Variants in PTPRM observed in about 807,000 individuals in gnomAD.
PTPRM encodes the protein receptor-type tyrosine-protein phosphatase mu.
In PTPRM, 47 loss-of-function variants were observed where a neutral mutation model predicts 186.7. The observed-to-expected ratio is 0.25, with a 90% CI of 0.20 to 0.32. PTPRM has a LOEUF of 0.32. Ranked by LOEUF, PTPRM falls within the 10% of genes least tolerant of loss-of-function variation. PTPRM has a pLI of 1.00. For missense variants in PTPRM, 1,494 were observed against 1,865.0 expected (o/e 0.80, Z 3.66); for synonymous variants, 668 against 674.9 (o/e 0.99, Z 0.16).
At position 8,006,384 on chromosome 18, in the gene PTPRM, G is replaced by A. The variant is rs77284889; in HGVS notation, c.1132+50970G>A. 9.0e-3 allele frequency among the ~76,000 whole-genome samples: 1,376 copies of A among 152,206 alleles called. 19 individuals carry two copies. The highest frequency in any genetic ancestry group is 0.032 in the African/African-American group (1,319 of 41,514). On this transcript the variant is annotated intron_variant, in intron 7 of 32. Transcript: ENST00000580170. ...CACATGAGTTACAGTGGCCCTGTTCGCATAATAAATGTTTAGCAGGAAGCA... is the reference window on the plus strand; with the variant it reads ...CACATGAGTTACAGTGGCCCTGTTCACATAATAAATGTTTAGCAGGAAGCA...
chr18:7,932,958 GA>G (rs2051574940), intron 5 of PTPRM, among the ~76,000 whole-genome samples: 2 of 152,248 alleles, frequency 1.3e-5, no homozygotes, highest in African/African-American at 4.8e-5. Flanking sequence ...AAAATTCCAG[GA>G]ATAAACAATT....
intron 7 of PTPRM, among the ~76,000 whole-genome samples, chr18:8,037,623 CT>C (rs1258491895): frequency 6.6e-6 from 1 of 152,108 alleles, no homozygotes; most frequent in Non-Finnish European, 1.5e-5. Flanking sequence ...CTCTAATATC[CT>C]AGCTTCACAA....
intron 1 of PTPRM, among the ~76,000 whole-genome samples, chr18:7,703,556 C>T (rs2040011120): frequency 6.6e-6 from 1 of 152,124 alleles, no homozygotes; most frequent in African/African-American, 2.4e-5. Flanking sequence ...TGCTTATCAG[C>T]TTAAGGAGAT....
intron 21 of PTPRM, among the ~76,000 whole-genome samples, chr18:8,318,285 CTTTTTTTTTTTTTTT>C (rs140026832): frequency 3.3e-5 from 2 of 59,906 alleles, no homozygotes; most frequent in South Asian, 1.1e-3. Flanking sequence ...TTGTTTCCTT[CTTTTTTTTTTTTTTT>C]TTTTTTTTTT....
intron 15 of PTPRM, among the ~76,000 whole-genome samples, chr18:8,247,233 T>C (rs1033742834): frequency 5.3e-5 from 8 of 152,208 alleles, no homozygotes; most frequent in Non-Finnish European, 1.5e-5. Flanking sequence ...TGGGATTGAC[T>C]ATCCTGCTTG....
rs368368348 is a variant in PTPRM, at chr18:8,367,728, C to T, written c.3055-3162C>T. Reference sequence around the variant, plus strand: ...AGTTGAAGGAGTTGGGAGCGCATCTCCCAATAATCCCAAAGAAACCGAGCT... The same window carrying T: ...AGTTGAAGGAGTTGGGAGCGCATCTTCCAATAATCCCAAAGAAACCGAGCT... On this transcript the variant is annotated intron_variant, in intron 23 of 32. Coordinates refer to ENST00000580170, the MANE Select transcript of PTPRM (RefSeq NM_001105244.2). 1.4e-3 allele frequency among the ~76,000 whole-genome samples: 208 copies of T among 152,312 alleles called. 1 individual carries two copies. The highest frequency in any genetic ancestry group is 4.9e-3 in the African/African-American group (202 of 41,586).
chr18:7,853,355 G>A (rs923659092), intron 2 of PTPRM, among the ~76,000 whole-genome samples: 1 of 152,194 alleles, frequency 6.6e-6, no homozygotes, highest in African/African-American at 2.4e-5. Flanking sequence ...AAGAGACTTG[G>A]TCTCCCTTTT....
At chr18:8,102,160 C>T (rs1295315444) in intron 11 of PTPRM, among the ~76,000 whole-genome samples, 2 of 152,178 alleles carry the variant, frequency 1.3e-5, no homozygotes, top group Non-Finnish European at 2.9e-5. Context: ...TCATCTGAGC[C>T]TTCAATGAGG....
intron 3 of PTPRM, among the ~76,000 whole-genome samples, chr18:7,895,633 A>G (rs1263508669): frequency 6.6e-6 from 1 of 152,118 alleles, no homozygotes; most frequent in African/African-American, 2.4e-5. Flanking sequence ...TCAGTTGGCT[A>G]TTTCCCATGA....
intron 2 of PTPRM, among the ~76,000 whole-genome samples, chr18:7,813,738 C>CT (rs908938539): frequency 8.0e-5 from 12 of 150,910 alleles, no homozygotes; most frequent in South Asian, 2.1e-4. Context: ...CTTGTCTTAA[C>CT]TTTTTTTTTC....
intron 7 of PTPRM, among the ~76,000 whole-genome samples, chr18:8,025,934 C>T (rs1276681677): frequency 1.3e-5 from 2 of 152,102 alleles, no homozygotes; most frequent in Non-Finnish European, 2.9e-5. Flanking sequence ...AGAGATTTTC[C>T]AGGGAGAGCA....
chr18:8,343,628 A>G, intron 23 of PTPRM, 108 bp downstream of exon 23: 2 of 843,642 alleles, frequency 2.4e-6, no homozygotes, highest in Non-Finnish European at 3.7e-6. Flanking sequence ...TCCCCAAAAC[A>G]TTAACTACTC....
intron 2 of PTPRM, among the ~76,000 whole-genome samples, chr18:7,851,485 A>G (rs1297431652): frequency 2.6e-5 from 4 of 152,226 alleles, no homozygotes; most frequent in Admixed American, 6.5e-5. Context: ...AAGGAGCAAT[A>G]TAAGACTGAA....
chr18:7,795,135 C>T (rs2043555541), intron 2 of PTPRM, among the ~76,000 whole-genome samples: 2 of 152,216 alleles, frequency 1.3e-5, no homozygotes, highest in Non-Finnish European at 2.9e-5. Flanking sequence ...TGGCTGCTGG[C>T]AGGTATTGTG....
intron 14 of PTPRM, among the ~76,000 whole-genome samples, chr18:8,239,045 G>A (rs1475101735): frequency 6.7e-6 from 1 of 148,942 alleles, no homozygotes; most frequent in Non-Finnish European, 1.5e-5. Flanking sequence ...TGCACAATGT[G>A]CAGGTTAGTT....
intron 19 of PTPRM, among the ~76,000 whole-genome samples, chr18:8,272,073 C>T (rs948145927): frequency 3.3e-5 from 5 of 151,572 alleles, no homozygotes; most frequent in African/African-American, 1.2e-4. Context: ...ATTAGCTGGG[C>T]GTGGTGGTGG....
intron 2 of PTPRM, among the ~76,000 whole-genome samples, chr18:7,874,246 T>G (rs11872862): frequency 0.012 from 1,814 of 152,324 alleles, 40 homozygotes; most frequent in African/African-American, 0.041. Flanking sequence ...GGAAGAAATG[T>G]TTAATTTTTC....
At chr18:7,775,555 C>T (rs997250269) in intron 2 of PTPRM, among the ~76,000 whole-genome samples, 45 of 152,148 alleles carry the variant, frequency 3.0e-4, no homozygotes, top group Non-Finnish European at 5.6e-4. Context: ...CCTGCCCTCT[C>T]AAGAGGATCC....
chr18:8,321,720 C>G (rs938884625), intron 22 of PTPRM, among the ~76,000 whole-genome samples: 3 of 152,172 alleles, frequency 2.0e-5, no homozygotes, highest in African/African-American at 7.2e-5. Context: ...ACTGGCAGTA[C>G]TAACATCACT....
Sources: gnomAD v4.1 joint callset for allele counts (sites outside exome capture counted in the v4.1 genomes callset) on GRCh38, gnomAD v4.1.1 for gene constraint, MANE v1.5 for transcripts, NCBI Gene and HGNC (gene_info 2026-07-23, HGNC 2026-07-21) for gene names.